OLFML2A: variants seen among roughly 807,000 people sequenced by gnomAD.
OLFML2A encodes the protein olfactomedin like 2A, also known as olfactomedin-like protein 2A.
A neutral mutation model predicts 60.9 loss-of-function variants in OLFML2A; 47 were observed. The ratio of observed to expected loss-of-function variants is 0.77; its 90% CI spans 0.61 to 0.98. The LOEUF (loss-of-function observed/expected upper bound fraction) is 0.98. OLFML2A is among the 50% of genes least tolerant of loss of function. The pLI, the probability that OLFML2A is intolerant of heterozygous loss-of-function variation, is 0.00. For synonymous variants in OLFML2A, 372 were observed against 375.0 expected (o/e 0.99, Z 0.09); for missense variants, 922 against 879.8 (o/e 1.05, Z -0.61).
At chr9:124,782,322 G>T (rs1841375870) in intron 1 of OLFML2A, among the ~76,000 whole-genome samples, 1 of 152,250 alleles carries the variant, frequency 6.6e-6, no homozygotes, top group African/African-American at 2.4e-5. Flanking sequence ...CTAAGGTGGG[G>T]TTATGGTGAG....
At position 124,801,624 on chromosome 9, in the gene OLFML2A, T is replaced by C; in HGVS notation, c.880T>C (p.Tyr294His). The part of the protein sequence containing the change: ...QQAVIRGFTY[Y>H]KAGKQEVTEA... ...GGCTGTGATCCGGGGCTTCACCTAC[T>C]ACAAGGCAGGCAAGCAGGAGGTGAC... Residue 294 changes from tyrosine to histidine, a missense_variant, in exon 5 of 8, where the codon TAC becomes CAC. Physicochemically the swap from Tyr to His is moderately conservative, Grantham distance 83. Transcript: ENST00000373580. 7 of 1,613,658 alleles carry C rather than the reference T, an allele frequency of 4.3e-6. No individual in the cohort carries two copies. Among genetic ancestry groups the C allele is most frequent in the Non-Finnish European group, 5.9e-6 (7 of 1,179,950 alleles).
chr9:124,780,235 A>G (rs1178857712), intron 1 of OLFML2A, among the ~76,000 whole-genome samples: 1 of 152,010 alleles, frequency 6.6e-6, no homozygotes, highest in Non-Finnish European at 1.5e-5. Context: ...AGCACCGCAG[A>G]CCTCTGGGGA....
Position 124,807,973 on chromosome 9 carries a change from G to A in OLFML2A, c.1354+7G>A, listed in dbSNP as rs1841936184. 1 of 1,612,582 alleles carries A rather than the reference G, an allele frequency of 6.2e-7. No individual in the cohort carries two copies. Among genetic ancestry groups the A allele is most frequent in the Non-Finnish European group, 8.5e-7 (1 of 1,178,822 alleles). ...CTGGAAAACTTCAAGCAAGGTCAGGGACCCCCGGAGGTGGAGAGGGGGCTG... is the reference window on the plus strand; with the variant it reads ...CTGGAAAACTTCAAGCAAGGTCAGGAACCCCCGGAGGTGGAGAGGGGGCTG... On this transcript the variant is annotated splice_region_variant and intron_variant, in intron 7 of 7. Coordinates refer to ENST00000373580, the MANE Select transcript of OLFML2A (RefSeq NM_182487.4).
rs182761120 is a variant in OLFML2A at position 124,796,480 on chromosome 9, C to T, written c.462+1349C>T. 5.0e-3 allele frequency among the ~76,000 whole-genome samples: 768 copies of T among 152,332 alleles called. 2 individuals are homozygous for T. Among genetic ancestry groups the T allele is most frequent in the Non-Finnish European group, 8.9e-3 (603 of 68,028 alleles). ...GCCTGGAACCAACCAGAGATGGTTT[C>T]CACAGCCACAGAAAAATGACTTTTT... On this transcript the variant is annotated intron_variant, in intron 3 of 7. Coordinates refer to ENST00000373580, the MANE Select transcript of OLFML2A (RefSeq NM_182487.4).
At position 124,807,749 on chromosome 9, in the gene OLFML2A, T is replaced by G. The variant is rs772499259; in HGVS notation, c.1169-32T>G. The G allele has an allele frequency of 6.3e-6, 10 of 1,579,766 alleles. No individual in the cohort carries two copies. The South Asian group carries it at 8.0e-5, about 13-fold the overall frequency. On this transcript the variant is annotated intron_variant, in intron 6 of 7. Transcript: ENST00000373580. ...TCTGGCTGGGGGGCTTGGGGGTCTG[T>G]GTACCGATGCTGCCTGCCCTCCTCC...
chr9:124,797,570 C>A (rs1206639435), intron 3 of OLFML2A, among the ~76,000 whole-genome samples: 1 of 152,244 alleles, frequency 6.6e-6, no homozygotes, highest in Non-Finnish European at 1.5e-5. Flanking sequence ...TCCTCTGTAA[C>A]AATTTCTACA....
In OLFML2A at chr9:124,810,399, A is replaced by G. The variant is rs1314851091; in HGVS notation, c.1946A>G (p.His649Arg). The G allele has an allele frequency of 6.3e-7, 1 of 1,596,540 alleles. No individual in the cohort carries two copies. ...DNGHQLTYTL[H>R]FVV ...GGCCACCAGCTCACCTACACCCTCC[A>G]CTTCGTGGTCTGAGTGGAGACCTGT... Residue 649 changes from histidine (H) to arginine (R), a missense_variant, in exon 8 of 8, where the codon CAC becomes CGC. His to Arg is a conservative substitution (Grantham distance 29). Transcript: ENST00000373580.
chr9:124,779,565 C>T lies in OLFML2A; in HGVS notation c.90+2205C>T, dbSNP rs1370519034. Reference sequence around the variant, plus strand: ...TGTGTGGTGGGGGGGGGGTGTTTAGCTGTCCCAGGACAAGCTGGGGCTGGT... The same window carrying T: ...TGTGTGGTGGGGGGGGGGTGTTTAGTTGTCCCAGGACAAGCTGGGGCTGGT... On this transcript the variant is annotated intron_variant, in intron 1 of 7. Transcript: ENST00000373580. The surrounding 1 kb of genome is among the most constrained non-coding windows in gnomAD (Gnocchi z 4.1). Among the ~76,000 whole-genome samples the T allele has an allele frequency of 6.6e-6, 1 of 150,762 alleles. No individual in the cohort carries two copies. Among genetic ancestry groups the T allele is most frequent in the Non-Finnish European group, 1.5e-5 (1 of 67,796 alleles).
intron 2 of OLFML2A, among the ~76,000 whole-genome samples, chr9:124,788,383 G>A (rs2131251168): frequency 6.6e-6 from 1 of 152,080 alleles, no homozygotes; most frequent in East Asian, 1.9e-4. Flanking sequence ...TGAGGCGGGT[G>A]GATCACGAGG....
intron 3 of OLFML2A, among the ~76,000 whole-genome samples, chr9:124,798,293 G>A (rs1841703559): frequency 6.6e-6 from 1 of 152,130 alleles, no homozygotes; most frequent in Non-Finnish European, 1.5e-5. Context: ...CTTGAGGTCA[G>A]GAGTTCAAGA....
At position 124,781,135 on chromosome 9, in the gene OLFML2A, T is replaced by C. The variant is rs533119139; in HGVS notation, c.90+3775T>C. Among the ~76,000 whole-genome samples, 5 of 152,288 alleles carry C rather than the reference T, an allele frequency of 3.3e-5. No individual in the cohort carries two copies. In the East Asian group the frequency reaches 7.7e-4, roughly 24 times the overall value. On this transcript the variant is annotated intron_variant, in intron 1 of 7. Coordinates refer to ENST00000373580, the MANE Select transcript of OLFML2A (RefSeq NM_182487.4). ...CAAGGAGGAGCTTTTGGGAGATTCA[T>C]CAAACACAGGAAGCTGCTGTGTTGT...
chr9:124,808,040 C>T, intron 7 of OLFML2A, 74 bp downstream of exon 7: 1 of 1,135,566 alleles, frequency 8.8e-7, no homozygotes, highest in South Asian at 1.4e-5. Context: ...GGGACTTGGC[C>T]TTCCTTGCCT....
intron 2 of OLFML2A, among the ~76,000 whole-genome samples, chr9:124,794,240 T>C (rs775608441): frequency 1.3e-5 from 2 of 152,220 alleles, no homozygotes; most frequent in Non-Finnish European, 2.9e-5. Flanking sequence ...TAGATGTCCA[T>C]GTCACTAGAT....
In OLFML2A at chr9:124,807,821, C is replaced by G; in HGVS notation, c.1209C>G (p.Asp403Glu). ...ASCEGTLRAV[D>E]PPVRHHSYGR... ...GTGAGGGCACCCTCCGGGCTGTGGA[C>G]CCCCCTGTGAGGCACCACAGCTATG... Residue 403 changes from aspartate (D) to glutamate (E), a missense_variant, in exon 7 of 8, where the codon GAC (aspartate) becomes GAG (glutamate). Coordinates refer to ENST00000373580, the MANE Select transcript of OLFML2A (RefSeq NM_182487.4). The G allele has an allele frequency of 6.2e-7, 1 of 1,613,016 alleles. No homozygotes were observed. The highest frequency in any genetic ancestry group is 2.2e-5 in the East Asian group (1 of 44,846).
intron 3 of OLFML2A, among the ~76,000 whole-genome samples, chr9:124,796,295 TTC>T (rs1328156606): frequency 3.9e-5 from 6 of 152,334 alleles, no homozygotes; most frequent in African/African-American, 1.4e-4. Context: ...GGTGAATTTC[TTC>T]TGTGTCCCAG....
chr9:124,800,188 C>T (rs181538764), intron 4 of OLFML2A, among the ~76,000 whole-genome samples: 2 of 152,242 alleles, frequency 1.3e-5, no homozygotes, highest in Non-Finnish European at 2.9e-5. Flanking sequence ...CACAGAGGCT[C>T]CTGCCTTTGC....
At position 124,790,336 on chromosome 9, in the gene OLFML2A, A is replaced by AT. The variant is rs537090404; in HGVS notation, c.354+3108dup. On this transcript the variant is annotated intron_variant, in intron 2 of 7. Transcript: ENST00000373580. The stretch of plus-strand genomic sequence containing the variant: ...AGGCGTTCGCCACCATGCCCGGCTC[A>AT]TTTTTTTTTTGTATTTTTAGTAGAG... Among the ~76,000 whole-genome samples the AT allele has an allele frequency of 6.5e-3, 964 of 148,418 alleles. 4 individuals are homozygous for AT. Among genetic ancestry groups the AT allele is most frequent in the African/African-American group, 9.1e-3 (369 of 40,508 alleles).
intron 2 of OLFML2A, 88 bp downstream of exon 2, chr9:124,787,326 GAGGC>G: frequency 1.5e-6 from 2 of 1,306,172 alleles, no homozygotes; most frequent in Non-Finnish European, 2.2e-6. Flanking sequence ...CACACTCTGT[GAGGC>G]GAGTGGTGTT....
chr9:124,778,566 T>A (rs1443332905), intron 1 of OLFML2A, among the ~76,000 whole-genome samples: 1 of 150,350 alleles, frequency 6.7e-6, no homozygotes, highest in Non-Finnish European at 1.5e-5. Flanking sequence ...ATACAAAAAT[T>A]AGCTGGGCGC....
Sources: allele counts gnomAD v4.1 joint callset (sites outside exome capture counted in the v4.1 genomes callset), GRCh38; gene constraint gnomAD v4.1.1; non-coding constraint Gnocchi (gnomAD v3.1); transcripts MANE v1.5; gene names NCBI Gene and HGNC (gene_info 2026-07-23, HGNC 2026-07-21).